Variants in MAST4 observed in about 807,000 individuals in gnomAD.
MAST4 encodes the protein microtubule-associated serine/threonine-protein kinase 4.
Under a neutral mutation model 162.7 loss-of-function variants are expected in MAST4, and 89 were observed. That is an observed-to-expected ratio of 0.55 (90% CI 0.46 to 0.65). The LOEUF is 0.65. MAST4 is among the 30% of genes least tolerant of loss of function. The pLI is 0.00. For missense variants in MAST4, 3,153 were observed against 3,374.0 expected (o/e 0.93, Z 1.62); for synonymous variants, 1,479 against 1,361.1 (o/e 1.09, Z -1.91).
At chr5:66,830,916 C>T (rs1236625526) in intron 3 of MAST4, among the ~76,000 whole-genome samples, 1 of 152,166 alleles carries the variant, frequency 6.6e-6, no homozygotes, top group Admixed American at 6.5e-5. Flanking sequence ...GTTAGTAAAG[C>T]TAGGCTGAAA....
chr5:66,655,223 T>G (rs1272871572), intron 1 of MAST4, among the ~76,000 whole-genome samples: 1 of 152,162 alleles, frequency 6.6e-6, no homozygotes, highest in Non-Finnish European at 1.5e-5. Context: ...GCTTTCATGT[T>G]AGAAGATTGC....
chr5:66,884,925 C>T (rs1349758845), intron 3 of MAST4, among the ~76,000 whole-genome samples: 2 of 152,178 alleles, frequency 1.3e-5, no homozygotes, highest in Non-Finnish European at 2.9e-5. Context: ...ACGTCTTCCC[C>T]CATATACCTC....
chr5:66,836,173 A>G (rs76305328), intron 3 of MAST4, among the ~76,000 whole-genome samples: 1 of 34,948 alleles, frequency 2.9e-5, no homozygotes, highest in South Asian at 1.1e-3. Flanking sequence ...CCTGTCTGGA[A>G]AAAAAAAAAA....
chr5:66,727,292 A>AT (rs1431423267), intron 1 of MAST4, among the ~76,000 whole-genome samples: 1 of 152,108 alleles, frequency 6.6e-6, no homozygotes, highest in Non-Finnish European at 1.5e-5. Flanking sequence ...ATACTCTGAT[A>AT]TTTTCTCTTC....
intron 1 of MAST4, among the ~76,000 whole-genome samples, chr5:66,658,911 A>G (rs931719687): frequency 6.6e-6 from 1 of 152,170 alleles, no homozygotes; most frequent in Non-Finnish European, 1.5e-5. Context: ...AGTCCCAGCT[A>G]CTTGAGAGGC....
rs866692311 is a variant in MAST4, at chr5:67,118,750, G to T, written c.1659+1G>T. 3.9e-6 allele frequency: 6 copies of T among 1,532,704 alleles called. No homozygotes were observed. Among genetic ancestry groups the T allele is most frequent in the Admixed American group, 1.9e-5 (1 of 53,400 alleles). 94.9% of individuals were successfully genotyped at this position (1,532,704 alleles called of 1,614,324 possible). On this transcript the variant is annotated splice_donor_variant, in intron 13 of 28. Transcript: ENST00000403625. LOFTEE classifies it high-confidence loss of function. ...ACCAGAAACAGATGAATCAGTGAGTGTAAGTATATTTCTTGATGAAATATG... is the reference window on the plus strand; with the variant it reads ...ACCAGAAACAGATGAATCAGTGAGTTTAAGTATATTTCTTGATGAAATATG...
chr5:67,158,867 T>G (rs1159971955), intron 26 of MAST4, among the ~76,000 whole-genome samples: 1 of 152,110 alleles, frequency 6.6e-6, no homozygotes, highest in Non-Finnish European at 1.5e-5. Context: ...AAACCCTATC[T>G]TTACTAAAAA....
chr5:67,131,772 C>T, intron 15 of MAST4, 41 bp from the exon 16 acceptor site: 1 of 1,603,378 alleles, frequency 6.2e-7, no homozygotes. Flanking sequence ...CTACATTAAG[C>T]CTTCATCCTA....
Position 67,045,211 on chromosome 5 carries a change from C to T in MAST4, c.675-9193C>T, listed in dbSNP as rs373016466. Reference sequence around the variant, plus strand: ...GGGTATCCAAAGGGATTCAGTGTTACATAAAATATAATCCTTGTTATCAAA... The same window carrying T: ...GGGTATCCAAAGGGATTCAGTGTTATATAAAATATAATCCTTGTTATCAAA... On this transcript the variant is annotated intron_variant, in intron 4 of 28. Coordinates refer to ENST00000403625, the MANE Select transcript of MAST4 (RefSeq NM_001164664.2). 9.6e-4 allele frequency among the ~76,000 whole-genome samples: 146 copies of T among 152,304 alleles called. 1 individual carries two copies. In the Middle Eastern group the frequency reaches 0.017, roughly 18 times the overall value.
intron 4 of MAST4, among the ~76,000 whole-genome samples, chr5:66,950,464 T>G (rs1022066467): frequency 7.2e-5 from 11 of 152,160 alleles, no homozygotes; most frequent in African/African-American, 2.7e-4. Flanking sequence ...CATTCCACTT[T>G]GTCTCTATGA....
In MAST4 at chr5:66,993,083, G is replaced by A. The variant is rs565384430; in HGVS notation, c.675-61321G>A. Among the ~76,000 whole-genome samples, 4 of 152,204 alleles carry A rather than the reference G, an allele frequency of 2.6e-5. No homozygotes were observed. The East Asian group carries it at 7.7e-4, about 29-fold the overall frequency. On this transcript the variant is annotated intron_variant, in intron 4 of 28. Transcript: ENST00000403625. ...GGAAGGAAAGTAAAAACCCAATAGT[G>A]GCGTTTGGTTCATTTATTAATAAAC...
At chr5:67,107,868 A>G (rs191046763) in intron 10 of MAST4, among the ~76,000 whole-genome samples, 3 of 152,278 alleles carry the variant, frequency 2.0e-5, no homozygotes, top group East Asian at 3.9e-4. Context: ...CTACTCTCAA[A>G]TCTAGGTCAT....
intron 23 of MAST4, among the ~76,000 whole-genome samples, chr5:67,146,035 T>C (rs1392061818): frequency 6.6e-6 from 1 of 152,208 alleles, no homozygotes; most frequent in Non-Finnish European, 1.5e-5. Flanking sequence ...ATGATTTAAA[T>C]TGATAGTTTA....
chr5:66,940,285 T>C (rs142830555), intron 4 of MAST4, among the ~76,000 whole-genome samples: 1 of 152,246 alleles, frequency 6.6e-6, no homozygotes, highest in East Asian at 1.9e-4. Flanking sequence ...ACTGTGCCAA[T>C]TTCTTGAAAT....
intron 1 of MAST4, among the ~76,000 whole-genome samples, chr5:66,708,830 G>A (rs1298882458): frequency 6.6e-6 from 1 of 152,088 alleles, no homozygotes; most frequent in Non-Finnish European, 1.5e-5. Flanking sequence ...TTCCTGGGTG[G>A]TAGCAGTGTT....
Position 67,169,246 on chromosome 5 carries a change from C to T in MAST4, c.*2195C>T, listed in dbSNP as rs1774360550. 1 of 152,170 alleles carries T rather than the reference C, an allele frequency of 6.6e-6. No homozygotes were observed. Among genetic ancestry groups the T allele is most frequent in the Admixed American group, 6.5e-5 (1 of 15,280 alleles). 9.4% of individuals were successfully genotyped at this position (152,170 alleles called of 1,614,324 possible). ...TTTATGTATATTTTGTATAGTGTATCATCATTTTTGCCAAATATGTTTTTC... is the reference window on the plus strand; with the variant it reads ...TTTATGTATATTTTGTATAGTGTATTATCATTTTTGCCAAATATGTTTTTC... On this transcript the variant is annotated 3_prime_UTR_variant, in exon 29 of 29. Transcript: ENST00000403625.
chr5:66,704,839 C>T (rs1018757347), intron 1 of MAST4, among the ~76,000 whole-genome samples: 1 of 152,106 alleles, frequency 6.6e-6, no homozygotes, highest in Non-Finnish European at 1.5e-5. Flanking sequence ...CTTCACTTTC[C>T]TCTTTCTTGT....
intron 1 of MAST4, among the ~76,000 whole-genome samples, chr5:66,696,222 A>G (rs1171074854): frequency 1.3e-5 from 2 of 152,070 alleles, no homozygotes. Flanking sequence ...GGGAGGAGGG[A>G]GAGCATCAGG....
chr5:67,088,371 C>T (rs189596262), intron 5 of MAST4, among the ~76,000 whole-genome samples: 199 of 152,208 alleles, frequency 1.3e-3, no homozygotes, highest in African/African-American at 3.3e-3. Context: ...TATTGTGTTA[C>T]GCCTAATTAT....
Sources: allele counts gnomAD v4.1 joint callset (sites outside exome capture counted in the v4.1 genomes callset), GRCh38; gene constraint gnomAD v4.1.1; transcripts MANE v1.5; gene names NCBI Gene and HGNC (gene_info 2026-07-23, HGNC 2026-07-21).